Variants in KSR2 observed in about 807,000 individuals in gnomAD.
KSR2 encodes kinase suppressor of ras 2.
KSR2 carries 25 observed loss-of-function variants against 107.8 expected under a neutral mutation model. That is an observed-to-expected ratio of 0.23 (90% CI 0.17 to 0.32). KSR2 has a LOEUF of 0.32. KSR2 is among the 10% of genes least tolerant of loss of function. KSR2 has a pLI of 1.00. For missense variants in KSR2, 887 were observed against 1,268.9 expected (o/e 0.70, Z 4.57); for synonymous variants, 480 against 507.0 (o/e 0.95, Z 0.71).
At chr12:117,505,573 A>C (rs1873630395) in intron 14 of KSR2, among the ~76,000 whole-genome samples, 1 of 152,204 alleles carries the variant, frequency 6.6e-6, no homozygotes, top group South Asian at 2.1e-4. Context: ...AGCATCCAAT[A>C]GCGTAAAGTA....
chr12:117,906,406 C>T (rs1165143782), intron 1 of KSR2, among the ~76,000 whole-genome samples: 2 of 145,808 alleles, frequency 1.4e-5, no homozygotes, highest in African/African-American at 2.6e-5. Flanking sequence ...ATCAGGAGTT[C>T]GAGACCAGCC....
At chr12:117,836,884 C>T (rs77337670) in intron 3 of KSR2, among the ~76,000 whole-genome samples, 2,823 of 152,374 alleles carry the variant, frequency 0.019, 32 homozygotes, top group Non-Finnish European at 0.03. Context: ...CAAGCTCTTT[C>T]CAGATGTCTC....
intron 3 of KSR2, among the ~76,000 whole-genome samples, chr12:117,816,867 T>C (rs1430279371): frequency 6.6e-6 from 1 of 152,212 alleles, no homozygotes; most frequent in Non-Finnish European, 1.5e-5. Flanking sequence ...GGTCTGCCCA[T>C]AGTTCATTAG....
intron 3 of KSR2, among the ~76,000 whole-genome samples, chr12:117,811,210 C>G (rs1024657146): frequency 6.6e-6 from 1 of 152,136 alleles, no homozygotes; most frequent in East Asian, 1.9e-4. Flanking sequence ...GCCCTCTACA[C>G]CCACACAACA....
At chr12:117,943,575 A>G (rs939047173) in intron 1 of KSR2, among the ~76,000 whole-genome samples, 1 of 151,818 alleles carries the variant, frequency 6.6e-6, no homozygotes, top group African/African-American at 2.4e-5. Flanking sequence ...AAACAACCAA[A>G]TGTCCATCAA....
At chr12:117,633,699 G>A (rs980676058) in intron 5 of KSR2, among the ~76,000 whole-genome samples, 4 of 152,222 alleles carry the variant, frequency 2.6e-5, no homozygotes, top group South Asian at 4.2e-4. Context: ...CAGTCATTGC[G>A]TTTAGGGCTC....
At chr12:117,934,067 C>A (rs569905185) in intron 1 of KSR2, among the ~76,000 whole-genome samples, 2 of 152,296 alleles carry the variant, frequency 1.3e-5, no homozygotes, top group Admixed American at 6.5e-5. Flanking sequence ...TGTTCTTTAC[C>A]CTTTTGATCC....
At chr12:117,829,914 T>C (rs1166637216) in intron 3 of KSR2, among the ~76,000 whole-genome samples, 2 of 152,194 alleles carry the variant, frequency 1.3e-5, no homozygotes, top group Admixed American at 6.5e-5. Flanking sequence ...CCTCTAAAGA[T>C]AGCTGGCCAG....
rs1245938203 is a variant in KSR2 at position 117,460,779 on chromosome 12, G to A, written c.*6420C>T. 1 of 152,194 alleles carries A rather than the reference G, an allele frequency of 6.6e-6. No homozygotes were observed. Among genetic ancestry groups the A allele is most frequent in the African/African-American group, 2.4e-5 (1 of 41,432 alleles). 9.4% of individuals were successfully genotyped at this position (152,194 alleles called of 1,614,324 possible). A position where few individuals can be genotyped will look rare whatever the true frequency, so the allele number is the denominator to read the frequency against. On this transcript the variant is annotated 3_prime_UTR_variant, in exon 20 of 20. Coordinates refer to ENST00000339824, the MANE Select transcript of KSR2 (RefSeq NM_173598.6). ...AAAATGCTGGGTCTGCAATTTGGAG[G>A]CTGGTTTCTGTCCCTGTACCACAGT... is the stretch of plus-strand genomic sequence containing the variant.
intron 3 of KSR2, among the ~76,000 whole-genome samples, chr12:117,789,332 C>G (rs113076022): frequency 1.3e-5 from 2 of 152,150 alleles, no homozygotes; most frequent in African/African-American, 2.4e-5. Context: ...ACCCAGGTGG[C>G]GTTATTAGGG....
chr12:117,595,242 TA>T (rs1434336227), intron 5 of KSR2, among the ~76,000 whole-genome samples: 6 of 152,236 alleles, frequency 3.9e-5, no homozygotes, highest in African/African-American at 1.4e-4. Context: ...CAAAGGAGTT[TA>T]TTTATTTATT....
intron 14 of KSR2, among the ~76,000 whole-genome samples, chr12:117,494,461 T>C (rs1872915690): frequency 6.6e-6 from 1 of 152,272 alleles, no homozygotes; most frequent in African/African-American, 2.4e-5. Context: ...TTCTAACAAG[T>C]TTCCAGAAAA....
intron 9 of KSR2, among the ~76,000 whole-genome samples, chr12:117,548,654 T>A (rs929195404): frequency 6.6e-6 from 1 of 152,102 alleles, no homozygotes; most frequent in Non-Finnish European, 1.5e-5. Flanking sequence ...CACCCCCACA[T>A]TTTTCAAGGG....
chr12:117,742,928 G>T (rs1045525114), intron 4 of KSR2, among the ~76,000 whole-genome samples: 1 of 152,128 alleles, frequency 6.6e-6, no homozygotes, highest in African/African-American at 2.4e-5. Flanking sequence ...CTGTGGTCAG[G>T]ATGTGAGTGA....
intron 3 of KSR2, among the ~76,000 whole-genome samples, chr12:117,770,580 G>A (rs1002175281): frequency 2.6e-5 from 4 of 151,868 alleles, no homozygotes; most frequent in African/African-American, 9.7e-5. Flanking sequence ...CTGACTGGGG[G>A]ACTGCCACAT....
intron 1 of KSR2, among the ~76,000 whole-genome samples, chr12:117,869,055 A>T (rs1893569517): frequency 6.7e-6 from 1 of 149,288 alleles, no homozygotes; most frequent in Admixed American, 6.7e-5. Context: ...GCCTGGCCGC[A>T]TATATTTTCC....
chr12:117,770,265 T>C (rs755013929), intron 3 of KSR2, among the ~76,000 whole-genome samples: 76 of 152,204 alleles, frequency 5.0e-4, no homozygotes, highest in Middle Eastern at 3.4e-3. Flanking sequence ...ATGGTTTGTG[T>C]CCTTATAAGA....
chr12:117,798,844 C>T (rs947915759), intron 3 of KSR2, among the ~76,000 whole-genome samples: 9 of 151,964 alleles, frequency 5.9e-5, no homozygotes, highest in African/African-American at 2.2e-4. Context: ...CAGTGTCCAT[C>T]AATGAAAATA....
At chr12:117,819,062 T>G (rs1467210446) in intron 3 of KSR2, among the ~76,000 whole-genome samples, 4 of 152,078 alleles carry the variant, frequency 2.6e-5, no homozygotes, top group Non-Finnish European at 5.9e-5. Flanking sequence ...CATCATTAGT[T>G]GTTCAATGTC....
Sources: allele counts gnomAD v4.1 joint callset (sites outside exome capture counted in the v4.1 genomes callset), GRCh38; gene constraint gnomAD v4.1.1; transcripts MANE v1.5; gene names NCBI Gene and HGNC (gene_info 2026-07-23, HGNC 2026-07-21).